The following PHTF1 variants were observed in gnomAD, a reference collection of about 807,000 sequenced individuals.
PHTF1 encodes the protein putative homeodomain transcription factor 1.
A neutral mutation model predicts 102.4 loss-of-function variants in PHTF1; 88 were observed. That is an observed-to-expected ratio of 0.86 (90% CI 0.72 to 1.03). PHTF1 has a LOEUF of 1.03. PHTF1 is among the 50% of genes least tolerant of loss of function. PHTF1 has a pLI of 0.00. For synonymous variants in PHTF1, 289 were observed against 305.2 expected (o/e 0.95, Z 0.55); for missense variants, 814 against 909.5 (o/e 0.89, Z 1.35).
chr1:113,750,426 T>C (rs1183444351), intron 3 of PHTF1, among the ~76,000 whole-genome samples: 1 of 152,166 alleles, frequency 6.6e-6, no homozygotes, highest in Non-Finnish European at 1.5e-5. Context: ...AACCATGCTA[T>C]CTTCAAACAG....
At chr1:113,710,616 G>A in intron 10 of PHTF1, 141 bp from the exon 11 acceptor site, 1 of 643,062 alleles carries the variant, frequency 1.6e-6, no homozygotes, top group Admixed American at 2.8e-5. Flanking sequence ...TTTTCACAGG[G>A]CTTCACGTAA....
At chr1:113,759,848 A>C (rs552566966), upstream of PHTF1, among the ~76,000 whole-genome samples, 118 of 152,320 alleles carry the variant, frequency 7.7e-4, 1 homozygote, top group Admixed American at 4.1e-3. Context: ...ATGAGGTCAG[A>C]GACTGGGGCC....
intron 7 of PHTF1, among the ~76,000 whole-genome samples, chr1:113,721,251 A>C (rs1652892672): frequency 6.6e-6 from 1 of 152,234 alleles, no homozygotes; most frequent in Non-Finnish European, 1.5e-5. Flanking sequence ...GAAGGAAAAA[A>C]ACCATATAAT....
intron 7 of PHTF1, among the ~76,000 whole-genome samples, chr1:113,722,002 A>G (rs1248725829): frequency 6.6e-6 from 1 of 151,974 alleles, no homozygotes; most frequent in Non-Finnish European, 1.5e-5. Flanking sequence ...CCAAAAATCA[A>G]TAGCATTTCT....
chr1:113,736,808 G>T (rs908445256), intron 5 of PHTF1, among the ~76,000 whole-genome samples: 4 of 152,138 alleles, frequency 2.6e-5, no homozygotes, highest in Non-Finnish European at 4.4e-5. Flanking sequence ...TCTACAGCCA[G>T]CACGAGCAGA....
intron 3 of PHTF1, among the ~76,000 whole-genome samples, chr1:113,743,359 C>T (rs184567394): frequency 1.6e-4 from 25 of 152,014 alleles, no homozygotes; most frequent in Admixed American, 1.6e-3. Context: ...ACTGTAGGGT[C>T]TTCAGGGGCA....
intron 17 of PHTF1, 106 bp from the exon 18 acceptor site, chr1:113,698,493 T>C (rs1461835629): frequency 2.1e-6 from 2 of 948,350 alleles, no homozygotes; most frequent in Non-Finnish European, 3.2e-6. Context: ...CTTAAGGCTG[T>C]CTTTCCTTAA....
Position 113,697,523 on chromosome 1 carries a change from T to G in PHTF1, c.*182A>C. On this transcript the variant is annotated 3_prime_UTR_variant, in exon 19 of 19. Coordinates refer to ENST00000369604, the MANE Select transcript of PHTF1 (RefSeq NM_001323043.2). ...AGCATGAAAATACAGGTTTTTAGCA[T>G]GCACACCCAGTTGGAAAAGGACTTG... 1.8e-6 allele frequency: 1 copy of G among 559,496 alleles called. No individual in the cohort carries two copies. Among genetic ancestry groups the G allele is most frequent in the South Asian group, 2.2e-5 (1 of 44,948 alleles). 34.7% of individuals were successfully genotyped at this position (559,496 alleles called of 1,614,324 possible).
chr1:113,701,573 A>G (rs1649442243), intron 15 of PHTF1, among the ~76,000 whole-genome samples: 1 of 152,040 alleles, frequency 6.6e-6, no homozygotes, highest in Non-Finnish European at 1.5e-5. Context: ...ACAGGAAGTC[A>G]CCAAGCAGCT....
At chr1:113,752,340 C>T (rs937968945) in intron 3 of PHTF1, among the ~76,000 whole-genome samples, 1 of 139,780 alleles carries the variant, frequency 7.2e-6, no homozygotes. Context: ...TTTTTGTGTA[C>T]TGATCTTGTA....
chr1:113,704,931 CA>C lies in PHTF1; in HGVS notation c.1672-135del, dbSNP rs1649902336. On this transcript the variant is annotated intron_variant, in intron 13 of 18. Coordinates refer to ENST00000369604, the MANE Select transcript of PHTF1 (RefSeq NM_001323043.2). ...TCTAATCAGTGTTCAGTAAGATGGG[CA>C]GTGAAAATTTTCATTAATAGCTCGT... 4 of 662,716 alleles carry C rather than the reference CA, an allele frequency of 6.0e-6. No homozygotes were observed. In the Middle Eastern group the frequency reaches 1.3e-3, roughly 213 times the overall value. 41.1% of individuals were successfully genotyped at this position (662,716 alleles called of 1,614,324 possible).
chr1:113,709,100 T>C (rs2101142100), intron 11 of PHTF1, among the ~76,000 whole-genome samples: 1 of 151,944 alleles, frequency 6.6e-6, no homozygotes, highest in South Asian at 2.1e-4. Flanking sequence ...ACAAAAAATT[T>C]AAAAATTAGC....
Position 113,726,592 on chromosome 1 carries a change from TA to T in PHTF1, c.332-19del. Reference sequence around the variant, plus strand: ...TGCTATAACTGAAAAGAAGAGGTTTTAAGATGTAAAACATTAGAGCTCTTCT... The same window carrying T: ...TGCTATAACTGAAAAGAAGAGGTTTTAGATGTAAAACATTAGAGCTCTTCT... On this transcript the variant is annotated intron_variant, in intron 5 of 18. Coordinates refer to ENST00000369604, the MANE Select transcript of PHTF1 (RefSeq NM_001323043.2). The T allele has an allele frequency of 6.7e-7, 1 of 1,493,840 alleles. No individual in the cohort carries two copies. Among genetic ancestry groups the T allele is most frequent in the Non-Finnish European group, 9.1e-7 (1 of 1,101,104 alleles). The allele number at this position is 1,493,840 out of a possible 1,614,324, so 92.5% of individuals were successfully genotyped here.
chr1:113,727,483 T>C (rs1571175196), intron 5 of PHTF1, among the ~76,000 whole-genome samples: 3 of 152,218 alleles, frequency 2.0e-5, no homozygotes, highest in African/African-American at 2.4e-5. Flanking sequence ...GGATAAATGA[T>C]TGAAATACTA....
At chr1:113,736,988 G>T (rs148857202) in intron 5 of PHTF1, among the ~76,000 whole-genome samples, 18 of 152,288 alleles carry the variant, frequency 1.2e-4, no homozygotes, top group Non-Finnish European at 2.4e-4. Context: ...AAAAGATTTT[G>T]CTAATTGCTG....
At chr1:113,732,513 T>G (rs2101541710) in intron 5 of PHTF1, among the ~76,000 whole-genome samples, 1 of 152,150 alleles carries the variant, frequency 6.6e-6, no homozygotes, top group Middle Eastern at 3.4e-3. Context: ...AAAAAACAAT[T>G]TTCCTGCTCA....
rs190664158 is a variant in PHTF1, at chr1:113,697,465, C to G, written c.*240G>C. 2.3e-6 allele frequency: 1 copy of G among 444,284 alleles called. No homozygotes were observed. 27.5% of individuals were successfully genotyped at this position (444,284 alleles called of 1,614,324 possible). A position where few individuals can be genotyped will look rare whatever the true frequency, so the allele number is the denominator to read the frequency against. On this transcript the variant is annotated 3_prime_UTR_variant, in exon 19 of 19. Coordinates refer to ENST00000369604, the MANE Select transcript of PHTF1 (RefSeq NM_001323043.2). ...TTTGTGTTACCACAACACACACAGT[C>G]TTTAGTCAGCTGACTATTCATGTTG...
At chr1:113,715,166 AG>A (rs1400738397) in intron 7 of PHTF1, 1 of 152,356 alleles carries the variant, frequency 6.6e-6, no homozygotes, top group Non-Finnish European at 1.5e-5. Context: ...AGCCTTCCCA[AG>A]AAGGACAGGT....
rs1444978841 is a variant in PHTF1, at chr1:113,757,660, T to A, written c.102+39A>T. 9.2e-6 allele frequency: 12 copies of A among 1,304,258 alleles called. No individual in the cohort carries two copies. The East Asian group carries it at 2.8e-4, about 30-fold the overall frequency. The allele number at this position is 1,304,258 out of a possible 1,614,324, so 80.8% of individuals were successfully genotyped here. On this transcript the variant is annotated intron_variant, in intron 3 of 18. Transcript: ENST00000369604. The stretch of plus-strand genomic sequence containing the variant: ...AGTACAATTCCACTCTTCATATTAA[T>A]GCAGTGAAACATAGGCGGAATCAAA...
Sources: gnomAD v4.1 joint callset for allele counts (sites outside exome capture counted in the v4.1 genomes callset) on GRCh38, gnomAD v4.1.1 for gene constraint, MANE v1.5 for transcripts, NCBI Gene and HGNC (gene_info 2026-07-23, HGNC 2026-07-21) for gene names.